The following CLASP1 variants were observed in gnomAD, a reference collection of about 807,000 sequenced individuals.
CLASP1 encodes CLIP-associating protein 1.
Under a neutral mutation model 192.3 loss-of-function variants are expected in CLASP1, and 38 were observed. The observed-to-expected ratio is 0.20, with a 90% CI of 0.15 to 0.26. The LOEUF (loss-of-function observed/expected upper bound fraction) is 0.26. CLASP1 is among the 10% of genes least tolerant of loss of function. The pLI is 1.00. For missense variants in CLASP1, 1,433 were observed against 1,932.5 expected, an observed-to-expected ratio of 0.74 and a Z score of 4.85; for synonymous variants, 691 against 712.8, an observed-to-expected ratio of 0.97 and a Z score of 0.49.
intron 22 of CLASP1, among the ~76,000 whole-genome samples, chr2:121,421,383 G>T (rs952319718): frequency 6.6e-6 from 1 of 152,032 alleles, no homozygotes; most frequent in Non-Finnish European, 1.5e-5. Context: ...GAGTAGCTGG[G>T]ATTACAGGTG....
exon 22 of CLASP1, chr2:121,425,265 C>T (rs373774923): frequency 6.2e-7 from 1 of 1,612,650 alleles, no homozygotes; most frequent in Non-Finnish European, 8.5e-7. Flanking sequence ...CCACCATAAC[C>T]ACTTCCCAAC....
At chr2:121,456,074 C>T (rs2086594697) in intron 14 of CLASP1, among the ~76,000 whole-genome samples, 1 of 151,948 alleles carries the variant, frequency 6.6e-6, no homozygotes, top group East Asian at 1.9e-4. Flanking sequence ...TTCAAGTGTT[C>T]TCACCACAAA....
chr2:121,444,246 A>C (rs1170124797), intron 19 of CLASP1, among the ~76,000 whole-genome samples: 1 of 152,212 alleles, frequency 6.6e-6, no homozygotes, highest in Non-Finnish European at 1.5e-5. Context: ...GTGGATCTGG[A>C]TATGCCTATT....
intron 7 of CLASP1, among the ~76,000 whole-genome samples, chr2:121,512,136 GTCT>G (rs1199558965): frequency 6.6e-6 from 1 of 152,212 alleles, no homozygotes; most frequent in Non-Finnish European, 1.5e-5. Context: ...TCTCAGCCCT[GTCT>G]ATAAGTTAAA....
chr2:121,479,016 CCACACACA>C (rs752871583), intron 8 of CLASP1, among the ~76,000 whole-genome samples: 2 of 63,896 alleles, frequency 3.1e-5, no homozygotes, highest in Non-Finnish European at 5.7e-5. Flanking sequence ...CACACACACA[CCACACACA>C]CACACACCCC....
chr2:121,590,220 G>A (rs967145964), intron 2 of CLASP1, among the ~76,000 whole-genome samples: 2 of 152,104 alleles, frequency 1.3e-5, no homozygotes, highest in Non-Finnish European at 1.5e-5. Flanking sequence ...ACACTGACAG[G>A]TGGGCAATCT....
intron 2 of CLASP1, among the ~76,000 whole-genome samples, chr2:121,581,565 C>T (rs1434105077): frequency 3.9e-5 from 6 of 152,100 alleles, no homozygotes; most frequent in Non-Finnish European, 7.4e-5. Context: ...TGAGCCACCG[C>T]GCCCGGCCCC....
chr2:121,466,268 A>C (rs1270319853), intron 9 of CLASP1, among the ~76,000 whole-genome samples: 1 of 152,250 alleles, frequency 6.6e-6, no homozygotes, highest in Non-Finnish European at 1.5e-5. Flanking sequence ...AATGTTTTAA[A>C]ATACACCAAA....
intron 8 of CLASP1, among the ~76,000 whole-genome samples, chr2:121,498,111 C>T (rs1029574368): frequency 6.6e-6 from 1 of 151,822 alleles, no homozygotes; most frequent in Non-Finnish European, 1.5e-5. Flanking sequence ...CTGCCTGCCT[C>T]GGCCTCCCAA....
At chr2:121,376,530 G>C (rs890560167) in intron 34 of CLASP1, among the ~76,000 whole-genome samples, 1 of 151,832 alleles carries the variant, frequency 6.6e-6, no homozygotes, top group Non-Finnish European at 1.5e-5. Context: ...AAGGGGTGGG[G>C]GGGGGGTCGG....
exon 28 of CLASP1, chr2:121,401,629 A>C: frequency 1.2e-6 from 2 of 1,612,464 alleles, no homozygotes; most frequent in Non-Finnish European, 1.7e-6. Flanking sequence ...ATCCTTATGA[A>C]TTATTATAAA....
intron 9 of CLASP1, among the ~76,000 whole-genome samples, chr2:121,467,673 C>A (rs1313691928): frequency 6.6e-6 from 1 of 152,020 alleles, no homozygotes; most frequent in African/African-American, 2.4e-5. Context: ...AATTTAAGTT[C>A]TTTGCAGATT....
At chr2:121,354,750 G>C (rs1473052267) in intron 37 of CLASP1, among the ~76,000 whole-genome samples, 2 of 152,206 alleles carry the variant, frequency 1.3e-5, no homozygotes, top group East Asian at 1.9e-4. Context: ...ATGCACAGGA[G>C]TCAATATCTG....
At chr2:121,499,449 C>A (rs749967261) in intron 8 of CLASP1, among the ~76,000 whole-genome samples, 2 of 149,754 alleles carry the variant, frequency 1.3e-5, no homozygotes, top group Admixed American at 1.3e-4. Flanking sequence ...GGGAATGGGA[C>A]GTGAGGGTGA....
chr2:121,384,165 T>TACACAC (rs113468785), intron 32 of CLASP1, among the ~76,000 whole-genome samples: 1 of 142,134 alleles, frequency 7.0e-6, no homozygotes, highest in African/African-American at 3.0e-5. Flanking sequence ...CACATATATA[T>TACACAC]ATATACACAC....
intron 1 of CLASP1, among the ~76,000 whole-genome samples, chr2:121,638,944 C>T (rs1259913050): frequency 6.6e-6 from 1 of 152,160 alleles, no homozygotes; most frequent in Non-Finnish European, 1.5e-5. Flanking sequence ...GCTGGGATTA[C>T]AGGCATGAGC....
intron 34 of CLASP1, 42 bp from the exon 36 acceptor site, chr2:121,367,873 A>G (rs373127015): frequency 6.2e-7 from 1 of 1,600,072 alleles, no homozygotes; most frequent in Non-Finnish European, 8.5e-7. Flanking sequence ...GGGACTTGTA[A>G]TGGACATTTC....
intron 2 of CLASP1, among the ~76,000 whole-genome samples, chr2:121,546,907 C>G (rs1416058823): frequency 2.0e-5 from 3 of 152,180 alleles, no homozygotes; most frequent in Non-Finnish European, 4.4e-5. Flanking sequence ...GCCCTCCCAA[C>G]TGAGGTCTCC....
At chr2:121,614,738 T>C (rs1012603325) in intron 1 of CLASP1, among the ~76,000 whole-genome samples, 2 of 152,186 alleles carry the variant, frequency 1.3e-5, no homozygotes, top group African/African-American at 4.8e-5. Context: ...AATCTCACTA[T>C]AGAATATACT....
Sources: allele counts gnomAD v4.1 joint callset (sites outside exome capture counted in the v4.1 genomes callset), GRCh38; gene constraint gnomAD v4.1.1; transcripts MANE v1.5; gene names NCBI Gene and HGNC (gene_info 2026-07-23, HGNC 2026-07-21).